Variants in SORCS3 observed in about 807,000 individuals in gnomAD.
SORCS3 encodes sortilin related VPS10 domain containing receptor 3, also known as VPS10 domain-containing receptor SorCS3.
In SORCS3, 57 loss-of-function variants were observed where a neutral mutation model predicts 146.3. The observed-to-expected ratio is 0.39, with a 90% CI of 0.31 to 0.49. The LOEUF is 0.49. SORCS3 is among the 20% of genes least tolerant of loss of function. The pLI, the probability that SORCS3 is intolerant of heterozygous loss-of-function variation, is 0.92. For synonymous variants in SORCS3, 653 were observed against 618.5 expected, an observed-to-expected ratio of 1.06 and a Z score of -0.83; for missense variants, 1,341 against 1,575.5, an observed-to-expected ratio of 0.85 and a Z score of 2.52.
intron 5 of SORCS3, among the ~76,000 whole-genome samples, chr10:105,087,105 A>G (rs528494489): frequency 1.3e-5 from 2 of 152,266 alleles, no homozygotes; most frequent in African/African-American, 4.8e-5. Flanking sequence ...TAATTTTTGT[A>G]TAAGGTGTAA....
chr10:104,919,959 T>C (rs2019070906), intron 3 of SORCS3, among the ~76,000 whole-genome samples: 1 of 152,214 alleles, frequency 6.6e-6, no homozygotes, highest in Non-Finnish European at 1.5e-5. Context: ...TATTTGTTCC[T>C]TTATTAGTCT....
At chr10:104,940,417 G>A (rs60097522) in intron 3 of SORCS3, among the ~76,000 whole-genome samples, 1,784 of 72,696 alleles carry the variant, frequency 0.025, 47 homozygotes, top group African/African-American at 0.083. Flanking sequence ...AACAGGCCCC[G>A]GTGTGTGATG....
chr10:105,124,765 C>G (rs1207661554), intron 7 of SORCS3, among the ~76,000 whole-genome samples: 3 of 152,084 alleles, frequency 2.0e-5, no homozygotes. Context: ...AGCCTTGTAA[C>G]CTCTCGAGGC....
At chr10:105,081,819 T>C (rs556997779) in intron 5 of SORCS3, among the ~76,000 whole-genome samples, 1 of 152,302 alleles carries the variant, frequency 6.6e-6, no homozygotes, top group African/African-American at 2.4e-5. Flanking sequence ...ATGATTCTTA[T>C]GCTATTATTG....
intron 1 of SORCS3, among the ~76,000 whole-genome samples, chr10:104,658,043 AGCTTT>A (rs1292514581): frequency 6.6e-6 from 1 of 152,204 alleles, no homozygotes. Context: ...CAGGAACATA[AGCTTT>A]GCAGCTGAAT....
At position 104,922,672 on chromosome 10, in the gene SORCS3, G is replaced by A. The variant is rs942586204; in HGVS notation, c.795+6740G>A. Among the ~76,000 whole-genome samples, 11 of 152,304 alleles carry A rather than the reference G, an allele frequency of 7.2e-5. No homozygotes were observed. The South Asian group carries it at 2.1e-3, about 29-fold the overall frequency. On this transcript the variant is annotated intron_variant, in intron 3 of 26. Transcript: ENST00000369701. ...ATATAGATTTTAATATGAAACATCC[G>A]TGTTTTGAAATATTTAGGAGGTGGA...
At chr10:104,836,035 G>A (rs562944249) in intron 1 of SORCS3, among the ~76,000 whole-genome samples, 27 of 152,166 alleles carry the variant, frequency 1.8e-4, no homozygotes, top group Non-Finnish European at 3.8e-4. Context: ...TCAGCCCTCT[G>A]GTTTCAGGTG....
At chr10:104,910,606 G>A (rs1433617011) in intron 2 of SORCS3, among the ~76,000 whole-genome samples, 1 of 152,216 alleles carries the variant, frequency 6.6e-6, no homozygotes, top group Non-Finnish European at 1.5e-5. Flanking sequence ...GAACACTTAT[G>A]TACATGTAGA....
chr10:104,888,532 A>G (rs1045290571), intron 2 of SORCS3, among the ~76,000 whole-genome samples: 7 of 147,716 alleles, frequency 4.7e-5, no homozygotes, highest in African/African-American at 1.3e-4. Context: ...ACTACTTTTA[A>G]CTACCTCTCC....
chr10:105,086,485 T>A (rs1304516326), intron 5 of SORCS3, among the ~76,000 whole-genome samples: 2 of 152,188 alleles, frequency 1.3e-5, no homozygotes, highest in African/African-American at 2.4e-5. Flanking sequence ...TGATTCTTGC[T>A]TTCAACCTTG....
chr10:104,856,392 G>GGA (rs973399297), intron 2 of SORCS3, among the ~76,000 whole-genome samples: 5 of 147,668 alleles, frequency 3.4e-5, no homozygotes, highest in South Asian at 2.1e-4. Flanking sequence ...CTATAGAAAG[G>GGA]GAGAGAGAGA....
intron 7 of SORCS3, among the ~76,000 whole-genome samples, chr10:105,119,028 C>T (rs2055912538): frequency 1.3e-5 from 2 of 152,288 alleles, no homozygotes; most frequent in Admixed American, 1.3e-4. Flanking sequence ...CAGAGGTCAT[C>T]ACAGAAGCCC....
intron 2 of SORCS3, among the ~76,000 whole-genome samples, chr10:104,890,044 C>T (rs950925570): frequency 5.9e-5 from 9 of 152,090 alleles, no homozygotes; most frequent in African/African-American, 2.2e-4. Flanking sequence ...AATCTTCTGT[C>T]ATCCATAGCT....
intron 14 of SORCS3, among the ~76,000 whole-genome samples, chr10:105,185,968 T>A (rs554136281): frequency 1.3e-5 from 2 of 152,358 alleles, no homozygotes; most frequent in Non-Finnish European, 2.9e-5. Flanking sequence ...TCCAGGCACT[T>A]TTCGTGCTAT....
At chr10:105,018,118 G>A (rs1312462437) in intron 4 of SORCS3, among the ~76,000 whole-genome samples, 1 of 152,182 alleles carries the variant, frequency 6.6e-6, no homozygotes, top group African/African-American at 2.4e-5. Flanking sequence ...GTTTAGCCAG[G>A]TCTAAGAGCA....
intron 2 of SORCS3, among the ~76,000 whole-genome samples, chr10:104,861,804 C>T (rs991780576): frequency 6.6e-6 from 1 of 152,112 alleles, no homozygotes; most frequent in Non-Finnish European, 1.5e-5. Flanking sequence ...AATGTCCCAC[C>T]GTCCTGGAGG....
chr10:105,100,797 C>T (rs1214986721), intron 6 of SORCS3, among the ~76,000 whole-genome samples: 3 of 152,224 alleles, frequency 2.0e-5, no homozygotes. Flanking sequence ...CTTTCCCTTT[C>T]TCTTCATAAT....
In SORCS3 at chr10:104,934,259, C is replaced by A. The variant is rs529149601; in HGVS notation, c.795+18327C>A. On this transcript the variant is annotated intron_variant, in intron 3 of 26. Coordinates refer to ENST00000369701, the MANE Select transcript of SORCS3 (RefSeq NM_014978.3). ...AATATTGAATCCCAGACCTCATCTACCATGGAGAATCTGATTCTACAGGTC... is the reference window on the plus strand; with the variant it reads ...AATATTGAATCCCAGACCTCATCTAACATGGAGAATCTGATTCTACAGGTC... Among the ~76,000 whole-genome samples the A allele has an allele frequency of 1.7e-4, 26 of 152,220 alleles. No homozygotes were observed. The East Asian group carries it at 4.8e-3, about 28-fold the overall frequency.
At chr10:105,208,075 C>G (rs887523591) in intron 16 of SORCS3, among the ~76,000 whole-genome samples, 11 of 152,104 alleles carry the variant, frequency 7.2e-5, no homozygotes, top group Non-Finnish European at 1.2e-4. Flanking sequence ...GGAACATGGG[C>G]TCACGCCTAT....
Sources: gnomAD v4.1 joint callset for allele counts (sites outside exome capture counted in the v4.1 genomes callset) on GRCh38, gnomAD v4.1.1 for gene constraint, MANE v1.5 for transcripts, NCBI Gene and HGNC (gene_info 2026-07-23, HGNC 2026-07-21) for gene names.